The following DRG1 variants were observed in gnomAD, a reference collection of about 807,000 sequenced individuals.
DRG1 encodes the protein developmentally regulated GTP binding protein 1, also known as developmentally-regulated GTP-binding protein 1.
DRG1 carries 19 observed loss-of-function variants against 38.8 expected under a neutral mutation model. The observed-to-expected ratio is 0.49, with a 90% CI of 0.34 to 0.72. The LOEUF is 0.72. Among genes scored for constraint, DRG1 ranks in the 30% least tolerant of loss-of-function variants. The pLI, the probability that DRG1 is intolerant of heterozygous loss-of-function variation, is 0.01. For synonymous variants in DRG1, 167 were observed against 157.5 expected (o/e 1.06, Z -0.45); for missense variants, 299 against 444.8 (o/e 0.67, Z 2.95).
intron 3 of DRG1, 113 bp downstream of exon 3, chr22:31,403,317 C>T: frequency 7.1e-6 from 8 of 1,123,324 alleles, no homozygotes; most frequent in Non-Finnish European, 9.9e-6. Context: ...CAGGCACTTA[C>T]TACCTGGTAG....
chr22:31,403,636 C>A (rs1298646959), intron 3 of DRG1, among the ~76,000 whole-genome samples: 1 of 152,142 alleles, frequency 6.6e-6, no homozygotes, highest in Non-Finnish European at 1.5e-5. Context: ...GTGAGCACCA[C>A]CATGCCGGGC....
At chr22:31,410,816 CAAAA>C (rs201082892) in intron 3 of DRG1, among the ~76,000 whole-genome samples, 192 bp from the exon 4 acceptor site, 2 of 129,032 alleles carry the variant, frequency 1.6e-5, no homozygotes, top group East Asian at 2.2e-4. Flanking sequence ...ACTCCATCTC[CAAAA>C]AAAAAAAAGC....
chr22:31,430,560 C>T (rs976449383), intron 8 of DRG1, among the ~76,000 whole-genome samples: 5 of 151,852 alleles, frequency 3.3e-5, no homozygotes, highest in African/African-American at 7.3e-5. Context: ...CCACCACACT[C>T]GTCTAATTTT....
rs1238156420 is a variant in DRG1, at chr22:31,414,986, G to GACTA, written c.412+3905_412+3906insACTA. Among the ~76,000 whole-genome samples the GACTA allele has an allele frequency of 7.2e-5, 11 of 152,104 alleles. No individual in the cohort carries two copies. In the South Asian group the frequency reaches 2.1e-3, roughly 29 times the overall value. ...AGAGACAGTCTCACTATGTTGTTCA[G>GACTA]GGTGGTCTCGAAAACCCCGGGCTCG... On this transcript the variant is annotated intron_variant, in intron 4 of 8. Coordinates refer to ENST00000331457, the MANE Select transcript of DRG1 (RefSeq NM_004147.4).
At chr22:31,425,400 C>A (rs2050104278) in intron 6 of DRG1, among the ~76,000 whole-genome samples, 1 of 151,798 alleles carries the variant, frequency 6.6e-6, no homozygotes, top group Admixed American at 6.6e-5. Flanking sequence ...TTTCTCCATC[C>A]TAAGAGTATG....
chr22:31,401,455 T>C (rs2145856789), intron 2 of DRG1, among the ~76,000 whole-genome samples: 1 of 151,978 alleles, frequency 6.6e-6, no homozygotes, highest in East Asian at 1.9e-4. Context: ...GGCGCATGCC[T>C]GTAATCCCAG....
chr22:31,424,215 C>A (rs913778077), intron 6 of DRG1, among the ~76,000 whole-genome samples: 3 of 151,430 alleles, frequency 2.0e-5, no homozygotes, highest in African/African-American at 4.9e-5. Flanking sequence ...ATGGTGTGAT[C>A]TCAGCTCACT....
rs556146937 is a variant in DRG1 at position 31,411,547 on chromosome 22, T to G, written c.412+466T>G. On this transcript the variant is annotated intron_variant, in intron 4 of 8. Transcript: ENST00000331457. ...TGTCTTTTCTTTTTTTTTTTTTTTT[T>G]GGGACAGTGGCTCACTCTGTCATCC... Among the ~76,000 whole-genome samples, 193 of 150,174 alleles carry G rather than the reference T, an allele frequency of 1.3e-3. 1 individual carries two copies. Among genetic ancestry groups the G allele is most frequent in the African/African-American group, 4.3e-3 (177 of 41,144 alleles).
chr22:31,419,560 A>C (rs537018061), intron 4 of DRG1, among the ~76,000 whole-genome samples: 3 of 152,220 alleles, frequency 2.0e-5, no homozygotes, highest in African/African-American at 7.2e-5. Flanking sequence ...GGCAGAAAGC[A>C]GATCAGTGGT....
chr22:31,428,172 C>T (rs1370585346), intron 8 of DRG1, among the ~76,000 whole-genome samples: 7 of 151,852 alleles, frequency 4.6e-5, no homozygotes, highest in Admixed American at 4.6e-4. Context: ...TTATTTTGAA[C>T]TTATTTTAGA....
chr22:31,430,546 C>A (rs1335566271), intron 8 of DRG1, among the ~76,000 whole-genome samples: 1 of 151,928 alleles, frequency 6.6e-6, no homozygotes, highest in African/African-American at 2.4e-5. Context: ...ACTACAGGCA[C>A]CCGCCACCAC....
chr22:31,412,279 A>G (rs963066260), intron 4 of DRG1, among the ~76,000 whole-genome samples: 1 of 151,746 alleles, frequency 6.6e-6, no homozygotes, highest in Non-Finnish European at 1.5e-5. Flanking sequence ...TGTGTTAGAA[A>G]AAAAAAAGCT....
intron 4 of DRG1, among the ~76,000 whole-genome samples, chr22:31,412,506 A>G (rs941955305): frequency 4.0e-5 from 6 of 150,406 alleles, no homozygotes; most frequent in African/African-American, 1.5e-4. Context: ...GCCCGCCACC[A>G]TGCACGGCTA....
At chr22:31,402,732 A>G (rs2049970103) in intron 2 of DRG1, among the ~76,000 whole-genome samples, 1 of 152,078 alleles carries the variant, frequency 6.6e-6, no homozygotes, top group South Asian at 2.1e-4. Context: ...CTTGACCTGA[A>G]TTCTTGGACT....
chr22:31,429,037 A>G (rs544357244), intron 8 of DRG1, among the ~76,000 whole-genome samples: 13 of 152,274 alleles, frequency 8.5e-5, no homozygotes, highest in South Asian at 2.1e-4. Context: ...TCCGTATTTT[A>G]TAAGTATCTC....
rs1349641087 is a variant in DRG1 at position 31,432,566 on chromosome 22, T to C, written c.1005-1306T>C. Among the ~76,000 whole-genome samples, 9 of 151,814 alleles carry C rather than the reference T, an allele frequency of 5.9e-5. No homozygotes were observed. The East Asian group carries it at 1.4e-3, about 23-fold the overall frequency. On this transcript the variant is annotated intron_variant, in intron 8 of 8. Transcript: ENST00000331457. ...TCAGCCTCCCAAGTAGCTGGGACTA[T>C]AGGTGCGCGCTACCACGCCCAGCTA...
At chr22:31,421,781 C>G (rs1011345578) in intron 5 of DRG1, among the ~76,000 whole-genome samples, 1 of 152,004 alleles carries the variant, frequency 6.6e-6, no homozygotes, top group African/African-American at 2.4e-5. Context: ...ACTTTAATGT[C>G]ATGGGCCTAA....
intron 3 of DRG1, among the ~76,000 whole-genome samples, chr22:31,405,004 A>G (rs2049981603): frequency 6.6e-6 from 1 of 152,034 alleles, no homozygotes; most frequent in South Asian, 2.1e-4. Flanking sequence ...TTGACTTTTT[A>G]TTGAATGTTA....
chr22:31,405,368 A>G (rs530993686), intron 3 of DRG1, among the ~76,000 whole-genome samples: 3 of 152,106 alleles, frequency 2.0e-5, no homozygotes, highest in African/African-American at 4.8e-5. Flanking sequence ...GGGTTTCACC[A>G]TATTGGCCAG....
Sources: gnomAD v4.1 joint callset for allele counts (sites outside exome capture counted in the v4.1 genomes callset) on GRCh38, gnomAD v4.1.1 for gene constraint, MANE v1.5 for transcripts, NCBI Gene and HGNC (gene_info 2026-07-23, HGNC 2026-07-21) for gene names.